Variants in SNTG1 observed in about 807,000 individuals in gnomAD.
SNTG1 encodes the protein gamma-1-syntrophin.
Under a neutral mutation model 74.7 loss-of-function variants are expected in SNTG1, and 39 were observed. That is an observed-to-expected ratio of 0.52 (90% CI 0.40 to 0.68). The LOEUF is 0.68. Among genes scored for constraint, SNTG1 ranks in the 30% least tolerant of loss-of-function variants. The pLI, the probability that SNTG1 is intolerant of heterozygous loss-of-function variation, is 0.00. For synonymous variants in SNTG1, 254 were observed against 217.1 expected (o/e 1.17, Z -1.49); for missense variants, 685 against 609.5 (o/e 1.12, Z -1.30).
intron 2 of SNTG1, among the ~76,000 whole-genome samples, chr8:50,209,326 A>G (rs1450766736): frequency 6.6e-6 from 1 of 152,168 alleles, no homozygotes; most frequent in African/African-American, 2.4e-5. Context: ...GGCAACAGAA[A>G]CTTCTGCAGA....
rs565792449 is a variant in SNTG1 at position 50,287,157 on chromosome 8, C to T, written c.-27-107055C>T. ...CCATCCTTATCCTGGCTTTCTTTCTCTCCCTGAGCTATTACGTCCATCTGT... is the reference window on the plus strand; with the variant it reads ...CCATCCTTATCCTGGCTTTCTTTCTTTCCCTGAGCTATTACGTCCATCTGT... On this transcript the variant is annotated intron_variant, in intron 2 of 18. Coordinates refer to ENST00000642720, the MANE Select transcript of SNTG1 (RefSeq NM_018967.5). Among the ~76,000 whole-genome samples the T allele has an allele frequency of 1.8e-4, 28 of 152,174 alleles. No homozygotes were observed. The South Asian group carries it at 5.4e-3, about 29-fold the overall frequency.
At chr8:50,341,822 C>A (rs1372610120) in intron 2 of SNTG1, among the ~76,000 whole-genome samples, 1 of 151,896 alleles carries the variant, frequency 6.6e-6, no homozygotes. Flanking sequence ...AGGAACATGA[C>A]AAGATAATTA....
chr8:50,546,063 A>G (rs929284795), intron 11 of SNTG1, among the ~76,000 whole-genome samples: 1 of 152,132 alleles, frequency 6.6e-6, no homozygotes, highest in African/African-American at 2.4e-5. Flanking sequence ...GTAGGAAGAA[A>G]AAGAAAAAAT....
intron 2 of SNTG1, chr8:50,286,911 T>C (rs2088819309): frequency 6.6e-6 from 1 of 152,194 alleles, no homozygotes; most frequent in Non-Finnish European, 1.5e-5. Context: ...AGTGCCTTCA[T>C]TACCAGTCCT....
intron 18 of SNTG1, among the ~76,000 whole-genome samples, chr8:50,761,322 T>A (rs6997493): frequency 0.12 from 17,803 of 151,936 alleles, 3,112 homozygotes; most frequent in African/African-American, 0.38. Context: ...TGTTACAAAC[T>A]TGCCTTCAGT....
At chr8:50,453,894 A>G (rs1167655144) in intron 8 of SNTG1, among the ~76,000 whole-genome samples, 1 of 152,132 alleles carries the variant, frequency 6.6e-6, no homozygotes, top group Non-Finnish European at 1.5e-5. Context: ...CAACAATTCC[A>G]GTGAGGAGTT....
intron 2 of SNTG1, among the ~76,000 whole-genome samples, chr8:50,263,812 T>C (rs2087317264): frequency 6.6e-6 from 1 of 152,160 alleles, no homozygotes; most frequent in South Asian, 2.1e-4. Flanking sequence ...TGCAGAAGAC[T>C]TGAACAGCTC....
At position 50,417,775 on chromosome 8, in the gene SNTG1, C is replaced by T. The variant is rs569281738; in HGVS notation, c.162+15431C>T. Among the ~76,000 whole-genome samples, 9 of 152,258 alleles carry T rather than the reference C, an allele frequency of 5.9e-5. No homozygotes were observed. In the South Asian group the frequency reaches 1.9e-3, roughly 32 times the overall value. The stretch of plus-strand genomic sequence containing the variant: ...AAGCCGAGAAAACAATGCCCCACTG[C>T]CATTTATATCTACCTTCCTGGACTT... On this transcript the variant is annotated intron_variant, in intron 4 of 18. Coordinates refer to ENST00000642720, the MANE Select transcript of SNTG1 (RefSeq NM_018967.5).
intron 2 of SNTG1, among the ~76,000 whole-genome samples, chr8:50,319,299 G>T (rs930483866): frequency 4.6e-5 from 7 of 152,130 alleles, no homozygotes; most frequent in Admixed American, 6.5e-5. Flanking sequence ...GGGAGGTGGA[G>T]ATTTCAGTGA....
rs1000108158 is a variant in SNTG1, at chr8:50,160,339, A to C, written c.-102-12222A>C. On this transcript the variant is annotated intron_variant, in intron 1 of 18. Transcript: ENST00000642720. The stretch of plus-strand genomic sequence containing the variant: ...GGATGATATAAACAATATCTCTTCT[A>C]ATGGTAACTGGTAACCTTTTGTTGA... Among the ~76,000 whole-genome samples, 3 of 152,188 alleles carry C rather than the reference A, an allele frequency of 2.0e-5. No individual in the cohort carries two copies. The East Asian group carries it at 5.8e-4, about 29-fold the overall frequency.
At chr8:49,938,605 T>TTCTTTTCTTG (rs1808370746) in intron 1 of SNTG1, among the ~76,000 whole-genome samples, 1 of 101,466 alleles carries the variant, frequency 9.9e-6, no homozygotes, top group Non-Finnish European at 2.0e-5. Flanking sequence ...TTCTTTTCTT[T>TTCTTTTCTTG]TCTTTCTTTC....
At chr8:50,074,353 G>A (rs1821635435) in intron 1 of SNTG1, among the ~76,000 whole-genome samples, 1 of 152,158 alleles carries the variant, frequency 6.6e-6, no homozygotes, top group African/African-American at 2.4e-5. Flanking sequence ...TTAGGCATTG[G>A]TTTAAGAAGA....
At chr8:49,983,593 C>T (rs191366509) in intron 1 of SNTG1, among the ~76,000 whole-genome samples, 1 of 152,176 alleles carries the variant, frequency 6.6e-6, no homozygotes, top group Admixed American at 6.5e-5. Context: ...GAGTGTGGTG[C>T]CTAAACACCC....
At chr8:50,317,242 C>T (rs1297485796) in intron 2 of SNTG1, among the ~76,000 whole-genome samples, 1 of 152,106 alleles carries the variant, frequency 6.6e-6, no homozygotes, top group Non-Finnish European at 1.5e-5. Flanking sequence ...GTATCCTTTG[C>T]AAGCTGGCAT....
intron 2 of SNTG1, among the ~76,000 whole-genome samples, chr8:50,263,011 C>T (rs2087274573): frequency 1.3e-5 from 2 of 152,038 alleles, no homozygotes; most frequent in Admixed American, 1.3e-4. Context: ...TAAAATACTC[C>T]GTTTAGCAGT....
chr8:50,488,861 G>A (rs1340512781), intron 8 of SNTG1, among the ~76,000 whole-genome samples: 3 of 152,076 alleles, frequency 2.0e-5, no homozygotes, highest in Non-Finnish European at 4.4e-5. Flanking sequence ...ACGTGCCATG[G>A]TGGTTTGCTG....
rs1404871185 is a variant in SNTG1, at chr8:49,971,766, T to G, written c.-103+59535T>G. Among the ~76,000 whole-genome samples, 10 of 152,214 alleles carry G rather than the reference T, an allele frequency of 6.6e-5. No individual in the cohort carries two copies. The East Asian group carries it at 1.9e-3, about 29-fold the overall frequency. On this transcript the variant is annotated intron_variant, in intron 1 of 18. Coordinates refer to ENST00000642720, the MANE Select transcript of SNTG1 (RefSeq NM_018967.5). ...ATCATGAGTGAACTCCCATTCACAATTGCTTCAAAGAGAATAAAATACCTA... is the reference window on the plus strand; with the variant it reads ...ATCATGAGTGAACTCCCATTCACAAGTGCTTCAAAGAGAATAAAATACCTA...
intron 13 of SNTG1, among the ~76,000 whole-genome samples, chr8:50,620,517 T>C (rs1303874662): frequency 6.6e-6 from 1 of 152,150 alleles, no homozygotes; most frequent in East Asian, 1.9e-4. Flanking sequence ...TCTATTGCTG[T>C]GATGTAGGAG....
At chr8:50,351,844 G>A (rs2091671694) in intron 2 of SNTG1, among the ~76,000 whole-genome samples, 1 of 152,166 alleles carries the variant, frequency 6.6e-6, no homozygotes, top group Non-Finnish European at 1.5e-5. Flanking sequence ...GTTACTTGAT[G>A]ATCTTTGGTA....
Sources: allele counts gnomAD v4.1 joint callset (sites outside exome capture counted in the v4.1 genomes callset), GRCh38; gene constraint gnomAD v4.1.1; transcripts MANE v1.5; gene names NCBI Gene and HGNC (gene_info 2026-07-23, HGNC 2026-07-21).